The following EAF1 variants were observed in gnomAD, a reference collection of about 807,000 sequenced individuals.
EAF1 encodes ELL associated factor 1, also known as ELL-associated factor 1.
Under a neutral mutation model 26.6 loss-of-function variants are expected in EAF1, and 19 were observed. The observed-to-expected ratio is 0.71, with a 90% CI of 0.50 to 1.05. The LOEUF (loss-of-function observed/expected upper bound fraction) is 1.05, where lower values mean the gene tolerates loss of function less well. Among genes scored for constraint, EAF1 ranks in the 50% least tolerant of loss-of-function variants. The probability of loss-of-function intolerance (pLI) is 0.00; values close to 1 mark genes in which losing one functional copy is unlikely to be tolerated. For missense variants in EAF1, 260 were observed against 335.5 expected, an observed-to-expected ratio of 0.78 and a Z score of 1.76; for synonymous variants, 102 against 120.6, an observed-to-expected ratio of 0.85 and a Z score of 1.01.
Position 15,439,979 on chromosome 3 carries a change from G to C in EAF1, c.*824G>C, listed in dbSNP as rs1170105195. The stretch of plus-strand genomic sequence containing the variant: ...TGAATTCAGTCCCTAAATACATGAG[G>C]CTGGGTGAGCAGATGAAACCGGTAG... On this transcript the variant is annotated 3_prime_UTR_variant, in exon 6 of 6. Coordinates refer to ENST00000396842, the MANE Select transcript of EAF1 (RefSeq NM_033083.7). The C allele has an allele frequency of 6.6e-6, 1 of 152,226 alleles. No homozygotes were observed. The highest frequency in any genetic ancestry group is 1.5e-5 in the Non-Finnish European group (1 of 68,060). The allele number at this position is 152,226 out of a possible 1,614,324, so 9.4% of individuals were successfully genotyped here.
rs145949458 is a variant in EAF1 at position 15,430,020 on chromosome 3, C to A, written c.198+13C>A. The A allele has an allele frequency of 4.8e-3, 7,162 of 1,498,580 alleles. 24 individuals are homozygous for A. Among genetic ancestry groups the A allele is most frequent in the Middle Eastern group, 9.2e-3 (53 of 5,734 alleles). The allele number at this position is 1,498,580 out of a possible 1,614,324, so 92.8% of individuals were successfully genotyped here. A position where few individuals can be genotyped will look rare whatever the true frequency, so the allele number is the denominator to read the frequency against. On this transcript the variant is annotated intron_variant, in intron 2 of 5. Coordinates refer to ENST00000396842, the MANE Select transcript of EAF1 (RefSeq NM_033083.7). ...GCCACATATCCCTGTGAGTTTATTT[C>A]ATTTTTTTTTTTAATGTAAGATCAC...
At position 15,439,208 on chromosome 3, in the gene EAF1, A is replaced by G; in HGVS notation, c.*53A>G. 6.3e-7 allele frequency: 1 copy of G among 1,584,696 alleles called. No individual in the cohort carries two copies. The highest frequency in any genetic ancestry group is 2.2e-5 in the East Asian group (1 of 44,704). Reference sequence around the variant, plus strand: ...GGTGCACAAACATGCCGCAAGACTGAGCTACTTTGGCGTGGAGTCCATTGC... The same window carrying G: ...GGTGCACAAACATGCCGCAAGACTGGGCTACTTTGGCGTGGAGTCCATTGC... On this transcript the variant is annotated 3_prime_UTR_variant, in exon 6 of 6. Coordinates refer to ENST00000396842, the MANE Select transcript of EAF1 (RefSeq NM_033083.7).
chr3:15,435,929 G>C (rs1415027115), intron 4 of EAF1, among the ~76,000 whole-genome samples: 1 of 152,092 alleles, frequency 6.6e-6, no homozygotes, highest in Non-Finnish European at 1.5e-5. Flanking sequence ...CAAGCACTCA[G>C]ACCTCCCAAC....
intron 4 of EAF1, among the ~76,000 whole-genome samples, chr3:15,435,766 AC>A (rs2061830851): frequency 6.6e-6 from 1 of 152,150 alleles, no homozygotes; most frequent in South Asian, 2.1e-4. Context: ...TTATTTAGTC[AC>A]CATGGTTCTT....
At chr3:15,437,983 A>G (rs1392314012) in intron 5 of EAF1, among the ~76,000 whole-genome samples, 4 of 152,132 alleles carry the variant, frequency 2.6e-5, no homozygotes, top group African/African-American at 9.7e-5. Context: ...ATCTCAAGAC[A>G]TTGCCATTAT....
Position 15,439,201 on chromosome 3 carries a change from A to C in EAF1, c.*46A>C. 6.3e-7 allele frequency: 1 copy of C among 1,594,336 alleles called. No homozygotes were observed. The highest frequency in any genetic ancestry group is 1.3e-5 in the African/African-American group (1 of 74,436). Reference sequence around the variant, plus strand: ...ACTTTTTGGTGCACAAACATGCCGCAAGACTGAGCTACTTTGGCGTGGAGT... The same window carrying C: ...ACTTTTTGGTGCACAAACATGCCGCCAGACTGAGCTACTTTGGCGTGGAGT... On this transcript the variant is annotated 3_prime_UTR_variant, in exon 6 of 6. Transcript: ENST00000396842.
In EAF1 at chr3:15,436,280, G is replaced by C; in HGVS notation, c.527-62G>C. The C allele has an allele frequency of 2.4e-6, 3 of 1,253,322 alleles. No homozygotes were observed. In the South Asian group the frequency reaches 5.2e-5, roughly 22 times the overall value. The allele number at this position is 1,253,322 out of a possible 1,614,324, so 77.6% of individuals were successfully genotyped here. On this transcript the variant is annotated intron_variant, in intron 4 of 5. Coordinates refer to ENST00000396842, the MANE Select transcript of EAF1 (RefSeq NM_033083.7). ...TTTTGCTGATTTACTATTTATAGAA[G>C]CTCCAATGCACTGCCTTGAAAAGGG...
At chr3:15,430,629 G>A (rs2061797389) in intron 2 of EAF1, among the ~76,000 whole-genome samples, 1 of 152,032 alleles carries the variant, frequency 6.6e-6, no homozygotes. Flanking sequence ...TGATTATATG[G>A]CCACAACAGC....
At position 15,429,955 on chromosome 3, in the gene EAF1, A is replaced by T; in HGVS notation, c.146A>T (p.Glu49Val). The T allele has an allele frequency of 6.2e-7, 1 of 1,613,276 alleles. No homozygotes were observed. The change falls in exon 2 of 6, where the codon GAG becomes GTG. Residue 49 changes from glutamate (E) to valine (V), a missense_variant. By Grantham distance (121) the Glu-to-Val change is moderately radical. Coordinates refer to ENST00000396842, the MANE Select transcript of EAF1 (RefSeq NM_033083.7). The part of the protein sequence containing the change: ...PASIDTSCEG[E>V]LQVGKGDEVT... ...TCTATAGACACTTCCTGTGAAGGAGAGCTTCAAGTTGGCAAAGGAGATGAA... is the reference window on the plus strand; with the variant it reads ...TCTATAGACACTTCCTGTGAAGGAGTGCTTCAAGTTGGCAAAGGAGATGAA...
At chr3:15,431,776 G>A (rs2061803676) in intron 2 of EAF1, among the ~76,000 whole-genome samples, 2 of 152,186 alleles carry the variant, frequency 1.3e-5, no homozygotes, top group Admixed American at 1.3e-4. Flanking sequence ...ACTATACAGA[G>A]TGATAACTCT....
intron 3 of EAF1, among the ~76,000 whole-genome samples, chr3:15,432,596 A>AT (rs1364893719): frequency 6.6e-6 from 1 of 152,154 alleles, no homozygotes; most frequent in Admixed American, 6.5e-5. Flanking sequence ...GAAAACATTA[A>AT]TTTTTTTACA....
In EAF1 at chr3:15,436,485, C is replaced by A. The variant is rs758977481; in HGVS notation, c.670C>A (p.Pro224Thr). 6.2e-7 allele frequency: 1 copy of A among 1,612,062 alleles called. No homozygotes were observed. The highest frequency in any genetic ancestry group is 1.3e-5 in the African/African-American group (1 of 74,910). The change falls in exon 5 of 6, where the codon CCT becomes ACT. Residue 224 changes from proline (P) to threonine (T), a missense_variant. Coordinates refer to ENST00000396842, the MANE Select transcript of EAF1 (RefSeq NM_033083.7). ...EDNGPASPPQ[P>T]SHQQPYNSRP... is the part of the protein sequence containing the mutation. The stretch of plus-strand genomic sequence containing the variant: ...CAATGGCCCAGCCTCTCCTCCGCAG[C>A]CTTCACACCAGCAGCCCTACAACAG...
chr3:15,434,676 G>T (rs1178178511), intron 4 of EAF1, 138 bp downstream of exon 4: 2 of 1,042,940 alleles, frequency 1.9e-6, no homozygotes, highest in Non-Finnish European at 2.8e-6. Context: ...AGAGCTCACT[G>T]TTCAGAGATG....
chr3:15,442,055 G>T lies in EAF1; in HGVS notation c.*2900G>T, dbSNP rs2061874193. ...GAAACTTAATACAAATGAACTAGAGGTTTGTAATCATGCCACTCACTAACG... is the reference window on the plus strand; with the variant it reads ...GAAACTTAATACAAATGAACTAGAGTTTTGTAATCATGCCACTCACTAACG... On this transcript the variant is annotated 3_prime_UTR_variant, in exon 6 of 6. Transcript: ENST00000396842. 1 of 152,574 alleles carries T rather than the reference G, an allele frequency of 6.6e-6. No individual in the cohort carries two copies. Among genetic ancestry groups the T allele is most frequent in the Non-Finnish European group, 1.5e-5 (1 of 68,048 alleles). The allele number at this position is 152,574 out of a possible 1,614,324, so 9.5% of individuals were successfully genotyped here. A position where few individuals can be genotyped will look rare whatever the true frequency, so the allele number is the denominator to read the frequency against.
intron 1 of EAF1, 115 bp downstream of exon 1, chr3:15,427,997 C>T (rs2061765889): frequency 4.9e-6 from 4 of 816,044 alleles, no homozygotes; most frequent in Non-Finnish European, 7.6e-6. Flanking sequence ...CTGCCAGCGT[C>T]AGTTACTTTC....
intron 4 of EAF1, among the ~76,000 whole-genome samples, chr3:15,434,986 G>A (rs1247981402): frequency 6.6e-6 from 1 of 152,194 alleles, no homozygotes; most frequent in Non-Finnish European, 1.5e-5. Flanking sequence ...TGTGAGGCAG[G>A]AGGATCGCTT....
intron 5 of EAF1, among the ~76,000 whole-genome samples, chr3:15,437,780 G>C (rs1434918854): frequency 6.6e-6 from 1 of 152,148 alleles, no homozygotes; most frequent in Non-Finnish European, 1.5e-5. Flanking sequence ...AGTTAACCTA[G>C]TTAATCCAAC....
chr3:15,429,445 T>C (rs2061788003), intron 1 of EAF1, among the ~76,000 whole-genome samples: 3 of 152,230 alleles, frequency 2.0e-5, no homozygotes, highest in Non-Finnish European at 4.4e-5. Context: ...CTGTGGCCTT[T>C]CATATTTCAT....
Position 15,427,601 on chromosome 3 carries a change from T to G in EAF1, c.-179T>G, listed in dbSNP as rs980295541. The stretch of plus-strand genomic sequence containing the variant: ...ACGGCCTTGCCTCCTCAGATTCCTC[T>G]CTCACCCCCACGCAGAGGAGAGAAC... On this transcript the variant is annotated 5_prime_UTR_variant, in exon 1 of 6. Transcript: ENST00000396842. The G allele has an allele frequency of 1.6e-6, 1 of 611,278 alleles. No individual in the cohort carries two copies. The highest frequency in any genetic ancestry group is 1.9e-5 in the African/African-American group (1 of 52,660). 37.9% of individuals were successfully genotyped at this position (611,278 alleles called of 1,614,324 possible).
Sources: allele counts gnomAD v4.1 joint callset (sites outside exome capture counted in the v4.1 genomes callset), GRCh38; gene constraint gnomAD v4.1.1; transcripts MANE v1.5; gene names NCBI Gene and HGNC (gene_info 2026-07-23, HGNC 2026-07-21).